Variants in RNF114 observed in about 807,000 individuals in gnomAD.
RNF114 encodes E3 ubiquitin-protein ligase RNF114.
Under a neutral mutation model 28.4 loss-of-function variants are expected in RNF114, and 6 were observed. That is an observed-to-expected ratio of 0.21 (90% CI 0.12 to 0.42). RNF114 has a LOEUF of 0.42. Ranked by LOEUF, RNF114 falls within the 10% of genes least tolerant of loss-of-function variation. The pLI is 1.00. For missense variants in RNF114, 249 were observed against 311.7 expected (o/e 0.80, Z 1.51); for synonymous variants, 115 against 116.7 (o/e 0.99, Z 0.09).
rs140783857 is a variant in RNF114, at chr20:49,946,012, C to T, written c.399-124C>T. 135 of 562,112 alleles carry T rather than the reference C, an allele frequency of 2.4e-4. 1 individual carries two copies. The East Asian group carries it at 3.6e-3, about 15-fold the overall frequency. The allele number at this position is 562,112 out of a possible 1,614,324, so 34.8% of individuals were successfully genotyped here. A position where few individuals can be genotyped will look rare whatever the true frequency, so the allele number is the denominator to read the frequency against. On this transcript the variant is annotated intron_variant, in intron 3 of 5. Coordinates refer to ENST00000244061, the MANE Select transcript of RNF114 (RefSeq NM_018683.4). ...ACACTTGACCTGAGTCTGAAGTGAT[C>T]ATCAGCATCCTTATCATTACACATT...
rs772904387 is a variant in RNF114, at chr20:49,936,437, G to A, written c.25G>A (p.Gly9Arg). Residue 9 changes from glycine (G) to arginine (R), a missense_variant, in exon 1 of 6, where the codon GGG becomes AGG. This residue lies in a region of RNF114 where 123 missense variants were observed against 106.4 expected (regional missense o/e 1.16). Transcript: ENST00000244061. ...GATGGCGGCGCAACAGCGGGACTGC[G>A]GGGGTGCTGCGCAGCTGGCGGGGCC... MAAQQRDC[G>R]GAAQLAGPAA... 12 of 1,538,974 alleles carry A rather than the reference G, an allele frequency of 7.8e-6. No individual in the cohort carries two copies. The highest frequency in any genetic ancestry group is 6.1e-5 in the Admixed American group (3 of 49,540).
intron 2 of RNF114, chr20:49,942,004 C>T (rs1056713393): frequency 6.2e-6 from 2 of 321,146 alleles, no homozygotes; most frequent in Non-Finnish European, 1.1e-5. Context: ...GTGGCTCATT[C>T]CTGTAACCCC....
chr20:49,946,338 C>G (rs1218264633), intron 4 of RNF114, 88 bp downstream of exon 4: 1 of 652,206 alleles, frequency 1.5e-6, no homozygotes, highest in Non-Finnish European at 2.6e-6. Flanking sequence ...GAATGAACTC[C>G]TGTGTGCCCT....
At chr20:49,951,992 T>C in intron 5 of RNF114, 84 bp from the exon 6 acceptor site, 1 of 1,181,496 alleles carries the variant, frequency 8.5e-7, no homozygotes, top group South Asian at 1.2e-5. Flanking sequence ...CGGATCCAGT[T>C]GCTAGGCTGT....
chr20:49,942,955 C>T (rs2090313464), intron 2 of RNF114, among the ~76,000 whole-genome samples: 1 of 151,974 alleles, frequency 6.6e-6, no homozygotes, highest in Admixed American at 6.6e-5. Context: ...ATATATATTT[C>T]TTCAACTTTT....
chr20:49,949,171 GAGGCCAGACAC>G (rs946076293), intron 4 of RNF114, 66 bp from the exon 5 acceptor site: 1 of 1,147,810 alleles, frequency 8.7e-7, no homozygotes, highest in African/African-American at 1.5e-5. Flanking sequence ...TGGAAGAAAG[GAGGCCAGACAC>G]AGGCCACAGA....
chr20:49,940,943 G>C (rs1488859866), intron 1 of RNF114, among the ~76,000 whole-genome samples: 1 of 151,958 alleles, frequency 6.6e-6, no homozygotes, highest in Non-Finnish European at 1.5e-5. Flanking sequence ...GTTTCACCAT[G>C]TTGGTAAGGC....
rs1198541022 is a variant in RNF114, at chr20:49,953,583, T to G, written c.*1442T>G. 6.6e-6 allele frequency: 1 copy of G among 152,196 alleles called. No homozygotes were observed. Among genetic ancestry groups the G allele is most frequent in the Non-Finnish European group, 1.5e-5 (1 of 68,040 alleles). 9.4% of individuals were successfully genotyped at this position (152,196 alleles called of 1,614,324 possible). On this transcript the variant is annotated 3_prime_UTR_variant, in exon 6 of 6. Transcript: ENST00000244061. The stretch of plus-strand genomic sequence containing the variant: ...CACTGGAAAAAAATAGTTTTTTCAT[T>G]AGTATTTCTCGGGAGGACCCAAAAG...
rs149691608 is a variant in RNF114 at position 49,953,136 on chromosome 20, T to C, written c.*995T>C. 3.3e-5 allele frequency: 5 copies of C among 152,314 alleles called. No homozygotes were observed. Among genetic ancestry groups the C allele is most frequent in the East Asian group, 3.9e-4 (2 of 5,188 alleles). 9.4% of individuals were successfully genotyped at this position (152,314 alleles called of 1,614,324 possible). ...GTCACAAATGTTTTCCTTATGACAC[T>C]GGTTTCGACATGTAAAATGTGTTTG... is the stretch of plus-strand genomic sequence containing the variant. On this transcript the variant is annotated 3_prime_UTR_variant, in exon 6 of 6. Coordinates refer to ENST00000244061, the MANE Select transcript of RNF114 (RefSeq NM_018683.4).
At chr20:49,950,694 A>AC (rs1248907086) in intron 5 of RNF114, among the ~76,000 whole-genome samples, 3 of 151,112 alleles carry the variant, frequency 2.0e-5, no homozygotes, top group Admixed American at 6.6e-5. Context: ...AAAAAAAAAA[A>AC]AAAAAACAAA....
intron 4 of RNF114, among the ~76,000 whole-genome samples, chr20:49,946,471 A>G (rs1454213191): frequency 6.6e-6 from 1 of 152,126 alleles, no homozygotes; most frequent in Non-Finnish European, 1.5e-5. Flanking sequence ...TGCACCCTGA[A>G]TACTTCGCAC....
chr20:49,944,477 T>G (rs1187487145), intron 2 of RNF114: 1 of 152,252 alleles, frequency 6.6e-6, no homozygotes, highest in Non-Finnish European at 1.5e-5. Context: ...TTATCTTCCC[T>G]CTTTTCTTCA....
chr20:49,946,018 C>A, intron 3 of RNF114, 118 bp from the exon 4 acceptor site: 1 of 568,370 alleles, frequency 1.8e-6, no homozygotes. Context: ...TGATCATCAG[C>A]ATCCTTATCA....
rs755613643 is a variant in RNF114 at position 49,952,230 on chromosome 20, T to C, written c.*89T>C. 5 of 1,158,038 alleles carry C rather than the reference T, an allele frequency of 4.3e-6. No homozygotes were observed. In the East Asian group the frequency reaches 1.2e-4, roughly 27 times the overall value. 71.7% of individuals were successfully genotyped at this position (1,158,038 alleles called of 1,614,324 possible). The stretch of plus-strand genomic sequence containing the variant: ...TCTATGACTCCTGTACCTTACCTGT[T>C]CAACAGACCTGAAAATGAGCCATGG... On this transcript the variant is annotated 3_prime_UTR_variant, in exon 6 of 6. Coordinates refer to ENST00000244061, the MANE Select transcript of RNF114 (RefSeq NM_018683.4).
At chr20:49,941,348 G>A in intron 1 of RNF114, 1 of 499,352 alleles carries the variant, frequency 2.0e-6, no homozygotes, top group Non-Finnish European at 3.5e-6. Flanking sequence ...TCTATCACAG[G>A]AGTTTGCATT....
chr20:49,946,374 A>G (rs2090331643), intron 4 of RNF114, 124 bp downstream of exon 4: 4 of 590,176 alleles, frequency 6.8e-6, no homozygotes, highest in East Asian at 5.8e-5. Flanking sequence ...GATTGTTAAC[A>G]TTTTACCATA....
intron 2 of RNF114, among the ~76,000 whole-genome samples, chr20:49,942,926 A>T (rs1280707842): frequency 6.6e-6 from 1 of 152,214 alleles, no homozygotes. Context: ...ATTTTTGCAA[A>T]ATGAGATTAT....
rs756562872 is a variant in RNF114, at chr20:49,952,431, A to G, written c.*290A>G. On this transcript the variant is annotated 3_prime_UTR_variant, in exon 6 of 6. Coordinates refer to ENST00000244061, the MANE Select transcript of RNF114 (RefSeq NM_018683.4). ...GCTTCTGCCGCCTCCTGTGGAAGAT[A>G]ATCTAGCTTCTCCACCTCTTGTTTC... 2.5e-5 allele frequency: 13 copies of G among 522,896 alleles called. No individual in the cohort carries two copies. The highest frequency in any genetic ancestry group is 4.4e-5 in the Non-Finnish European group (13 of 293,150). The allele number at this position is 522,896 out of a possible 1,614,324, so 32.4% of individuals were successfully genotyped here. A position where few individuals can be genotyped will look rare whatever the true frequency, so the allele number is the denominator to read the frequency against.
chr20:49,950,695 A>C lies in RNF114; in HGVS notation c.621+1340A>C, dbSNP rs1445881535. Among the ~76,000 whole-genome samples the C allele has an allele frequency of 4.0e-5, 6 of 151,490 alleles. No individual in the cohort carries two copies. The South Asian group carries it at 1.0e-3, about 26-fold the overall frequency. On this transcript the variant is annotated intron_variant, in intron 5 of 5. Coordinates refer to ENST00000244061, the MANE Select transcript of RNF114 (RefSeq NM_018683.4). Reference sequence around the variant, plus strand: ...GAGACCCTGTCTCAAAAAAAAAAAAAAAAAACAAAACACACACACACAACA... The same window carrying C: ...GAGACCCTGTCTCAAAAAAAAAAAACAAAAACAAAACACACACACACAACA...
Sources: allele counts gnomAD v4.1 joint callset (sites outside exome capture counted in the v4.1 genomes callset), GRCh38; gene constraint gnomAD v4.1.1; regional missense constraint gnomAD v4.1.1; transcripts MANE v1.5; gene names NCBI Gene and HGNC (gene_info 2026-07-23, HGNC 2026-07-21).